Variants in UBE2E2 observed in about 807,000 individuals in gnomAD.
UBE2E2 encodes ubiquitin conjugating enzyme E2 E2.
UBE2E2 carries 6 observed loss-of-function variants against 24.7 expected under a neutral mutation model. That is an observed-to-expected ratio of 0.24 (90% CI 0.13 to 0.48). The LOEUF is 0.48. Among genes scored for constraint, UBE2E2 ranks in the 20% least tolerant of loss-of-function variants. The pLI is 0.99. For synonymous variants in UBE2E2, 104 were observed against 83.6 expected (o/e 1.24, Z -1.33); for missense variants, 169 against 245.0 (o/e 0.69, Z 2.07).
intron 3 of UBE2E2, among the ~76,000 whole-genome samples, chr3:23,349,271 A>T (rs1030424745): frequency 6.6e-6 from 1 of 152,356 alleles, no homozygotes; most frequent in Middle Eastern, 3.4e-3. Context: ...GCCGAATAGG[A>T]ACAGCTCCAG....
chr3:23,364,142 A>G (rs1018886128), intron 3 of UBE2E2, among the ~76,000 whole-genome samples: 2 of 152,132 alleles, frequency 1.3e-5, no homozygotes, highest in African/African-American at 4.8e-5. Flanking sequence ...ATATAGCACT[A>G]AACACCCAGA....
At chr3:23,359,429 A>G (rs1282872727) in intron 3 of UBE2E2, among the ~76,000 whole-genome samples, 1 of 152,184 alleles carries the variant, frequency 6.6e-6, no homozygotes, top group Non-Finnish European at 1.5e-5. Flanking sequence ...TCATAGTACA[A>G]ATTTCTTTTC....
At chr3:23,285,885 A>G (rs1317863292) in intron 3 of UBE2E2, among the ~76,000 whole-genome samples, 1 of 152,112 alleles carries the variant, frequency 6.6e-6, no homozygotes, top group Non-Finnish European at 1.5e-5. Context: ...TTTAGTCAAG[A>G]GGGGTTTCAC....
intron 3 of UBE2E2, among the ~76,000 whole-genome samples, chr3:23,367,088 C>G (rs1228877993): frequency 6.6e-6 from 1 of 152,268 alleles, no homozygotes; most frequent in East Asian, 1.9e-4. Context: ...TCATCAGGGC[C>G]TTTGAATGTG....
chr3:23,556,453 T>TAA (rs1321819270), intron 5 of UBE2E2, among the ~76,000 whole-genome samples: 1 of 69,004 alleles, frequency 1.4e-5, no homozygotes, highest in Non-Finnish European at 2.9e-5. Context: ...TAAAATTTAT[T>TAA]TAAAAAAAAA....
At chr3:23,321,660 C>T (rs1317721595) in intron 3 of UBE2E2, among the ~76,000 whole-genome samples, 1 of 147,516 alleles carries the variant, frequency 6.8e-6, no homozygotes, top group Non-Finnish European at 1.5e-5. Flanking sequence ...TCTCTTATCT[C>T]GAATGCCATG....
intron 4 of UBE2E2, among the ~76,000 whole-genome samples, chr3:23,514,805 C>T (rs191679144): frequency 1.3e-5 from 2 of 151,714 alleles, no homozygotes; most frequent in East Asian, 3.9e-4. Flanking sequence ...AGAATTGAGG[C>T]CACAGTACTG....
intron 3 of UBE2E2, among the ~76,000 whole-genome samples, chr3:23,245,367 T>C (rs1340985468): frequency 6.6e-6 from 1 of 152,186 alleles, no homozygotes; most frequent in Non-Finnish European, 1.5e-5. Context: ...CCTCATTTTA[T>C]AGTTGGGGTG....
intron 3 of UBE2E2, among the ~76,000 whole-genome samples, chr3:23,241,546 C>T (rs990052566): frequency 2.6e-5 from 4 of 152,078 alleles, no homozygotes; most frequent in African/African-American, 9.7e-5. Context: ...ATGTGCCAGA[C>T]ATGCTTCCAT....
chr3:23,507,148 A>G (rs1373529963), intron 4 of UBE2E2, among the ~76,000 whole-genome samples: 2 of 152,126 alleles, frequency 1.3e-5, no homozygotes, highest in Non-Finnish European at 2.9e-5. Flanking sequence ...CTGCGTTTGT[A>G]TGCCACCCAG....
At chr3:23,347,879 C>G (rs1258531776) in intron 3 of UBE2E2, among the ~76,000 whole-genome samples, 1 of 152,108 alleles carries the variant, frequency 6.6e-6, no homozygotes, top group African/African-American at 2.4e-5. Context: ...ATATCTTGCA[C>G]TTATCTTTGG....
intron 3 of UBE2E2, among the ~76,000 whole-genome samples, chr3:23,359,582 T>TA (rs1182990666): frequency 1.3e-5 from 2 of 152,114 alleles, no homozygotes; most frequent in Admixed American, 1.3e-4. Context: ...TTTGATCTAT[T>TA]AAAAAAAATT....
intron 5 of UBE2E2, among the ~76,000 whole-genome samples, chr3:23,572,684 C>G (rs1449477122): frequency 2.6e-5 from 4 of 152,196 alleles, no homozygotes; most frequent in Non-Finnish European, 5.9e-5. Flanking sequence ...TGGCCTTCAG[C>G]TGCATCCATG....
At chr3:23,234,624 A>G (rs1697058322) in intron 3 of UBE2E2, among the ~76,000 whole-genome samples, 1 of 152,096 alleles carries the variant, frequency 6.6e-6, no homozygotes, top group South Asian at 2.1e-4. Flanking sequence ...GGTGGTTGGG[A>G]TTGATGCTCC....
chr3:23,534,345 C>G (rs1463791716), intron 5 of UBE2E2: 4 of 629,724 alleles, frequency 6.4e-6, no homozygotes, highest in Non-Finnish European at 7.9e-6. Flanking sequence ...TTTTTTTGCT[C>G]CGTTTCAGAA....
intron 3 of UBE2E2, among the ~76,000 whole-genome samples, chr3:23,240,914 C>T (rs200297439): frequency 1.3e-5 from 2 of 152,056 alleles, no homozygotes; most frequent in East Asian, 3.8e-4. Flanking sequence ...TGATTAGCTA[C>T]TTATATATTA....
chr3:23,557,416 C>T (rs181180025), intron 5 of UBE2E2, among the ~76,000 whole-genome samples: 14 of 152,324 alleles, frequency 9.2e-5, no homozygotes, highest in Middle Eastern at 6.8e-3. Context: ...AGAACCCATC[C>T]TGGCAGCCCA....
At chr3:23,368,279 A>G (rs1365103117) in intron 3 of UBE2E2, among the ~76,000 whole-genome samples, 2 of 152,198 alleles carry the variant, frequency 1.3e-5, no homozygotes, top group Non-Finnish European at 2.9e-5. Flanking sequence ...TGACAGTGAT[A>G]ATAGCTGCCA....
At chr3:23,517,968 A>G (rs1197451854) in intron 4 of UBE2E2, among the ~76,000 whole-genome samples, 2 of 152,154 alleles carry the variant, frequency 1.3e-5, no homozygotes, top group African/African-American at 4.8e-5. Flanking sequence ...ACATTAGAAA[A>G]TGGGAATTTT....
Sources: allele counts gnomAD v4.1 joint callset (sites outside exome capture counted in the v4.1 genomes callset), GRCh38; gene constraint gnomAD v4.1.1; transcripts MANE v1.5; gene names NCBI Gene and HGNC (gene_info 2026-07-23, HGNC 2026-07-21).